The following DLC1 variants were observed in gnomAD, a reference collection of about 807,000 sequenced individuals.
DLC1 encodes rho GTPase-activating protein 7.
A neutral mutation model predicts 140.3 loss-of-function variants in DLC1; 54 were observed. The observed-to-expected ratio is 0.38, with a 90% CI of 0.31 to 0.48. The LOEUF is 0.48. Among genes scored for constraint, DLC1 ranks in the 20% least tolerant of loss-of-function variants. DLC1 has a pLI of 0.96. For missense variants in DLC1, 2,536 were observed against 1,907.0 expected, an observed-to-expected ratio of 1.33 and a Z score of -6.14; for synonymous variants, 986 against 728.1, an observed-to-expected ratio of 1.35 and a Z score of -5.70.
chr8:13,395,010 C>G (rs1563311605), intron 3 of DLC1, among the ~76,000 whole-genome samples: 1 of 83,760 alleles, frequency 1.2e-5, no homozygotes, highest in Non-Finnish European at 2.2e-5. Context: ...CATATTCTAT[C>G]TATCTATCTA....
At chr8:13,086,846 A>G (rs1817606667) in intron 16 of DLC1, among the ~76,000 whole-genome samples, 1 of 151,968 alleles carries the variant, frequency 6.6e-6, no homozygotes, top group African/African-American at 2.4e-5. Flanking sequence ...CAACATAGTG[A>G]TACCTCATCT....
intron 2 of DLC1, among the ~76,000 whole-genome samples, chr8:13,436,530 T>C (rs74337081): frequency 8.5e-5 from 13 of 152,180 alleles, no homozygotes; most frequent in Non-Finnish European, 1.5e-4. Flanking sequence ...TTTTTTAAAA[T>C]GTCATTGTCC....
chr8:13,295,880 C>T (rs761009023), intron 5 of DLC1, among the ~76,000 whole-genome samples: 1 of 146,132 alleles, frequency 6.8e-6, no homozygotes, highest in Non-Finnish European at 1.5e-5. Context: ...AAACTGTGCA[C>T]TGGAAACTCA....
intron 5 of DLC1, among the ~76,000 whole-genome samples, chr8:13,173,291 T>A (rs780130262): frequency 6.6e-6 from 1 of 152,108 alleles, no homozygotes; most frequent in Non-Finnish European, 1.5e-5. Context: ...ATTTTCTTCA[T>A]TTCGAGAGCA....
intron 2 of DLC1, among the ~76,000 whole-genome samples, chr8:13,489,477 A>C (rs1801138303): frequency 6.6e-6 from 1 of 151,162 alleles, no homozygotes; most frequent in South Asian, 2.1e-4. Context: ...AGAATAGCTG[A>C]AGTCACAAGG....
intron 5 of DLC1, among the ~76,000 whole-genome samples, chr8:13,219,868 C>T (rs767121729): frequency 7.2e-5 from 11 of 152,080 alleles, no homozygotes; most frequent in Non-Finnish European, 1.3e-4. Context: ...CTGATACATG[C>T]TACACACATG....
chr8:13,595,541 A>T (rs1251114495), intron 1 of DLC1, among the ~76,000 whole-genome samples: 1 of 152,050 alleles, frequency 6.6e-6, no homozygotes, highest in African/African-American at 2.4e-5. Flanking sequence ...TAAATGTTAA[A>T]ATTTATCTTT....
intron 2 of DLC1, among the ~76,000 whole-genome samples, chr8:13,452,342 T>A (rs908352372): frequency 1.2e-4 from 19 of 152,090 alleles, no homozygotes; most frequent in Admixed American, 6.6e-5. Context: ...TTGTATAAAT[T>A]AAACATCACA....
intron 5 of DLC1, among the ~76,000 whole-genome samples, chr8:13,253,439 G>A (rs1830091277): frequency 6.6e-6 from 1 of 152,054 alleles, no homozygotes; most frequent in South Asian, 2.1e-4. Context: ...TTATGTGTGT[G>A]TGTGTGTGTG....
chr8:13,147,620 G>T (rs1283422675), intron 5 of DLC1, among the ~76,000 whole-genome samples: 1 of 152,116 alleles, frequency 6.6e-6, no homozygotes, highest in Non-Finnish European at 1.5e-5. Flanking sequence ...TGTCCAGCAT[G>T]CTCTGAGCTT....
intron 5 of DLC1, among the ~76,000 whole-genome samples, chr8:13,126,368 T>TAC (rs3065349): frequency 0.12 from 17,381 of 145,478 alleles, 1,136 homozygotes; most frequent in Non-Finnish European, 0.16. Context: ...TCTCTATCCA[T>TAC]ACACACACAC....
chr8:13,506,448 G>A (rs1396213324), intron 1 of DLC1, among the ~76,000 whole-genome samples: 1 of 150,826 alleles, frequency 6.6e-6, no homozygotes, highest in South Asian at 2.1e-4. Flanking sequence ...AATTACTTCT[G>A]GTTTCCCTTA....
At chr8:13,201,927 T>A (rs969012534) in intron 5 of DLC1, among the ~76,000 whole-genome samples, 24 of 83,600 alleles carry the variant, frequency 2.9e-4, no homozygotes, top group African/African-American at 2.2e-3. Context: ...AAAGGTTTTT[T>A]TTTTTTTTTT....
At chr8:13,217,869 C>A (rs527282110) in intron 5 of DLC1, among the ~76,000 whole-genome samples, 1 of 151,644 alleles carries the variant, frequency 6.6e-6, no homozygotes, top group African/African-American at 2.4e-5. Context: ...AAAAACCAAC[C>A]AACTAAAAGT....
chr8:13,495,479 C>T (rs1035789564), intron 2 of DLC1, among the ~76,000 whole-genome samples: 1 of 152,186 alleles, frequency 6.6e-6, no homozygotes, highest in South Asian at 2.1e-4. Context: ...CATTCACTAA[C>T]ATTTGCTCAC....
intron 13 of DLC1, among the ~76,000 whole-genome samples, chr8:13,091,962 T>C (rs889932868): frequency 1.3e-5 from 2 of 152,110 alleles, no homozygotes; most frequent in Non-Finnish European, 2.9e-5. Context: ...ACTATTTAAA[T>C]GTGGCCGGGC....
intron 2 of DLC1, among the ~76,000 whole-genome samples, chr8:13,489,804 T>A (rs1801155872): frequency 6.6e-6 from 1 of 152,216 alleles, no homozygotes. Context: ...GCTGCTTATA[T>A]ATGCTGTGAA....
chr8:13,212,341 TG>T (rs1476315879), intron 5 of DLC1, among the ~76,000 whole-genome samples: 1 of 152,180 alleles, frequency 6.6e-6, no homozygotes. Flanking sequence ...AATGGCACAC[TG>T]CTTTTGTTTT....
intron 5 of DLC1, among the ~76,000 whole-genome samples, chr8:13,162,839 C>A (rs1824818257): frequency 6.6e-6 from 1 of 152,128 alleles, no homozygotes; most frequent in Admixed American, 6.5e-5. Context: ...CTAGCAGAGG[C>A]AGAAGGATCT....
Sources: allele counts gnomAD v4.1 joint callset (sites outside exome capture counted in the v4.1 genomes callset), GRCh38; gene constraint gnomAD v4.1.1; transcripts MANE v1.5; gene names NCBI Gene and HGNC (gene_info 2026-07-23, HGNC 2026-07-21).